Variants in ABCD3 observed in about 807,000 individuals in gnomAD.
The protein encoded by ABCD3 is ATP binding cassette subfamily D member 3.
A neutral mutation model predicts 105.5 loss-of-function variants in ABCD3; 41 were observed. That is an observed-to-expected ratio of 0.39 (90% CI 0.30 to 0.50). ABCD3 has a LOEUF of 0.50. Ranked by LOEUF, ABCD3 falls within the 20% of genes least tolerant of loss-of-function variation. The pLI, the probability that ABCD3 is intolerant of heterozygous loss-of-function variation, is 0.84. For missense variants in ABCD3, 622 were observed against 806.3 expected, an observed-to-expected ratio of 0.77 and a Z score of 2.77; for synonymous variants, 258 against 269.0, an observed-to-expected ratio of 0.96 and a Z score of 0.40.
chr1:94,464,923 A>C, intron 3 of ABCD3, 50 bp downstream of exon 3: 4 of 1,417,330 alleles, frequency 2.8e-6, no homozygotes, highest in Non-Finnish European at 4.0e-6. Flanking sequence ...GTTCTTTAAT[A>C]AAATACCTGA....
At chr1:94,423,152 C>T (rs1008995271) in intron 1 of ABCD3, among the ~76,000 whole-genome samples, 4 of 152,172 alleles carry the variant, frequency 2.6e-5, no homozygotes, top group Non-Finnish European at 4.4e-5. Context: ...TCTATGATAT[C>T]CCTGTTCTCC....
intron 1 of ABCD3, among the ~76,000 whole-genome samples, chr1:94,422,818 C>T (rs1487394107): frequency 6.6e-6 from 1 of 152,140 alleles, no homozygotes; most frequent in African/African-American, 2.4e-5. Flanking sequence ...AGTGGGAAAT[C>T]AGTGGGCCAA....
intron 1 of ABCD3, among the ~76,000 whole-genome samples, chr1:94,456,186 T>C (rs1360872606): frequency 6.6e-6 from 1 of 151,898 alleles, no homozygotes; most frequent in Non-Finnish European, 1.5e-5. Flanking sequence ...AGAATTTGTC[T>C]TTTTGGGCCT....
At chr1:94,390,127 G>A in the ABCD3 span, among the ~76,000 whole-genome samples, 1 of 152,110 alleles carries the variant, frequency 6.6e-6, no homozygotes, top group Non-Finnish European at 1.5e-5. Flanking sequence ...AGGCAGTCTT[G>A]TTCTCTTCTA....
upstream of ABCD3, among the ~76,000 whole-genome samples, chr1:94,416,416 T>G (rs1187437215): frequency 6.6e-6 from 1 of 152,220 alleles, no homozygotes; most frequent in East Asian, 1.9e-4. Context: ...TACTTGATTT[T>G]TTTTACACGT....
chr1:94,431,771 G>C (rs1265569969), intron 1 of ABCD3, among the ~76,000 whole-genome samples: 1 of 151,998 alleles, frequency 6.6e-6, no homozygotes, highest in South Asian at 2.1e-4. Flanking sequence ...GTGTTAGGAC[G>C]ATATAGGCGT....
intron 7 of ABCD3, among the ~76,000 whole-genome samples, 168 bp from the exon 8 acceptor site, chr1:94,478,091 G>A (rs1231079998): frequency 6.6e-6 from 1 of 152,114 alleles, no homozygotes; most frequent in Admixed American, 6.5e-5. Flanking sequence ...TATCTTTCAT[G>A]TATTCTTTGA....
Position 94,481,121 on chromosome 1 carries a change from G to A in ABCD3, c.827+515G>A, listed in dbSNP as rs201159837. On this transcript the variant is annotated intron_variant, in intron 9 of 22. Coordinates refer to ENST00000370214, the MANE Select transcript of ABCD3 (RefSeq NM_002858.4). ...TATCAGTTGCATGTATTTGATTTTAGCGAATTATTCATAGTTTCACTTTTG... is the reference window on the plus strand; with the variant it reads ...TATCAGTTGCATGTATTTGATTTTAACGAATTATTCATAGTTTCACTTTTG... Among the ~76,000 whole-genome samples, 15 of 152,242 alleles carry A rather than the reference G, an allele frequency of 9.9e-5. No homozygotes were observed. The East Asian group carries it at 2.9e-3, about 29-fold the overall frequency.
At chr1:94,392,754 A>G in the ABCD3 span, among the ~76,000 whole-genome samples, 4 of 152,322 alleles carry the variant, frequency 2.6e-5, no homozygotes, top group African/African-American at 9.6e-5. Context: ...TCTGAAAACA[A>G]AGCAAATATG....
At chr1:94,417,348 C>T (rs1379553927), upstream of ABCD3, among the ~76,000 whole-genome samples, 1 of 152,188 alleles carries the variant, frequency 6.6e-6, no homozygotes, top group African/African-American at 2.4e-5. Context: ...ACTTTGTAGG[C>T]TACTTTAATA....
At chr1:94,508,291 T>G (rs1258369884) in intron 21 of ABCD3, among the ~76,000 whole-genome samples, 4 of 152,012 alleles carry the variant, frequency 2.6e-5, no homozygotes, top group Non-Finnish European at 4.4e-5. Flanking sequence ...TGTCAAAGAT[T>G]AGATAGTTGT....
intron 1 of ABCD3, among the ~76,000 whole-genome samples, chr1:94,419,995 CT>C (rs2100862541): frequency 6.6e-6 from 1 of 152,284 alleles, no homozygotes; most frequent in Non-Finnish European, 1.5e-5. Flanking sequence ...ATGTTAGGTC[CT>C]TTAACTTGAA....
chr1:94,423,393 G>A (rs374671095), intron 1 of ABCD3, among the ~76,000 whole-genome samples: 70 of 152,258 alleles, frequency 4.6e-4, no homozygotes, highest in South Asian at 1.7e-3. Flanking sequence ...GCCCCCCTCT[G>A]TAAATGGTGG....
intron 1 of ABCD3, among the ~76,000 whole-genome samples, chr1:94,433,475 G>T (rs771466796): frequency 6.6e-6 from 1 of 151,748 alleles, no homozygotes; most frequent in Non-Finnish European, 1.5e-5. Context: ...TTTTATTGTT[G>T]TGTGAACATC....
At chr1:94,416,527 C>T (rs937594364), upstream of ABCD3, among the ~76,000 whole-genome samples, 13 of 152,044 alleles carry the variant, frequency 8.6e-5, no homozygotes, top group Non-Finnish European at 1.6e-4. Flanking sequence ...TATGTGAGGT[C>T]GTTGGGGCTC....
the ABCD3 span, among the ~76,000 whole-genome samples, chr1:94,389,741 G>A: frequency 5.9e-5 from 9 of 152,114 alleles, no homozygotes; most frequent in African/African-American, 1.7e-4. Flanking sequence ...GGGTGTCCCC[G>A]ACTGAGCTGG....
chr1:94,423,956 T>C (rs183823794), intron 1 of ABCD3, among the ~76,000 whole-genome samples: 1 of 152,318 alleles, frequency 6.6e-6, no homozygotes, highest in Admixed American at 6.5e-5. Context: ...CTGGGTGTTT[T>C]GCAAAGTGCA....
At chr1:94,421,561 G>GTGTGTGT (rs1553167233) in intron 1 of ABCD3, among the ~76,000 whole-genome samples, 1 of 76,410 alleles carries the variant, frequency 1.3e-5, no homozygotes, top group Non-Finnish European at 3.3e-5. Flanking sequence ...GGAGCTATAA[G>GTGTGTGT]ATGTGTGTGT....
chr1:94,451,146 C>T (rs1274403919), intron 1 of ABCD3, among the ~76,000 whole-genome samples: 3 of 152,008 alleles, frequency 2.0e-5, no homozygotes, highest in Non-Finnish European at 4.4e-5. Flanking sequence ...TTGGTACCTA[C>T]TTCTTGTTAG....
Sources: gnomAD v4.1 joint callset for allele counts (sites outside exome capture counted in the v4.1 genomes callset) on GRCh38, gnomAD v4.1.1 for gene constraint, MANE v1.5 for transcripts, NCBI Gene and HGNC (gene_info 2026-07-23, HGNC 2026-07-21) for gene names.